Variants in ZNF704 observed in about 807,000 individuals in gnomAD.
ZNF704 encodes the protein zinc finger protein 704, also known as glucocorticoid induced gene 1.
A neutral mutation model predicts 44.7 loss-of-function variants in ZNF704; 10 were observed. That is an observed-to-expected ratio of 0.22 (90% CI 0.14 to 0.38). The LOEUF (loss-of-function observed/expected upper bound fraction) is 0.38, where lower values mean the gene tolerates loss of function less well. Ranked by LOEUF, ZNF704 falls within the 10% of genes least tolerant of loss-of-function variation. The pLI is 1.00. For synonymous variants in ZNF704, 211 were observed against 207.6 expected (o/e 1.02, Z -0.14); for missense variants, 390 against 545.5 (o/e 0.71, Z 2.84).
At chr8:80,856,118 C>T (rs1563578424) in intron 1 of ZNF704, among the ~76,000 whole-genome samples, 1 of 152,116 alleles carries the variant, frequency 6.6e-6, no homozygotes, top group Non-Finnish European at 1.5e-5. Flanking sequence ...CTGCTGTGCT[C>T]AGCCAATTCT....
intron 7 of ZNF704, among the ~76,000 whole-genome samples, chr8:80,645,717 C>T (rs1238729268): frequency 6.6e-6 from 1 of 152,214 alleles, no homozygotes; most frequent in Non-Finnish European, 1.5e-5. Context: ...TGCCACTGTG[C>T]TTCCTGTACA....
chr8:80,664,591 ATC>A (rs2131609739), intron 6 of ZNF704, among the ~76,000 whole-genome samples: 1 of 152,268 alleles, frequency 6.6e-6, no homozygotes, highest in East Asian at 1.9e-4. Context: ...CATCATAACA[ATC>A]TCTACGGGAT....
intron 2 of ZNF704, among the ~76,000 whole-genome samples, chr8:80,750,742 T>A (rs1218027549): frequency 2.0e-5 from 3 of 152,170 alleles, no homozygotes; most frequent in African/African-American, 7.2e-5. Context: ...CTTGAATGCC[T>A]GACCTCAGGT....
intron 3 of ZNF704, among the ~76,000 whole-genome samples, chr8:80,688,321 T>C (rs984472394): frequency 6.6e-6 from 1 of 152,240 alleles, no homozygotes; most frequent in Non-Finnish European, 1.5e-5. Flanking sequence ...TGGATAGTTA[T>C]CTAAAGCCCC....
chr8:80,879,343 C>T (rs536998365), upstream of ZNF704, among the ~76,000 whole-genome samples: 2 of 151,396 alleles, frequency 1.3e-5, no homozygotes, highest in South Asian at 4.2e-4. Flanking sequence ...CTGAAGCTGT[C>T]CTCCCACCTC....
chr8:80,712,987 C>T (rs568389851), intron 2 of ZNF704, among the ~76,000 whole-genome samples: 4 of 151,838 alleles, frequency 2.6e-5, no homozygotes, highest in East Asian at 3.9e-4. Context: ...TGTTCACCTC[C>T]GAGGTTCAAG....
chr8:80,710,628 T>C (rs151317772), intron 2 of ZNF704, among the ~76,000 whole-genome samples: 269 of 152,282 alleles, frequency 1.8e-3, no homozygotes, highest in Middle Eastern at 3.4e-3. Flanking sequence ...TTGTGTCTTA[T>C]AAGAAGAAGA....
intron 2 of ZNF704, among the ~76,000 whole-genome samples, chr8:80,758,489 T>C (rs1807074965): frequency 6.6e-6 from 1 of 152,140 alleles, no homozygotes; most frequent in African/African-American, 2.4e-5. Flanking sequence ...AAACCAACAA[T>C]GGTTTTGTAG....
chr8:80,768,559 T>C (rs749482470), intron 2 of ZNF704, among the ~76,000 whole-genome samples: 6 of 152,192 alleles, frequency 3.9e-5, no homozygotes, highest in Non-Finnish European at 7.3e-5. Flanking sequence ...AATGGATCTC[T>C]CACACTTTTA....
chr8:80,788,013 T>C (rs1807643930), intron 2 of ZNF704, among the ~76,000 whole-genome samples: 2 of 152,210 alleles, frequency 1.3e-5, no homozygotes, highest in African/African-American at 4.8e-5. Flanking sequence ...TCAAGCATAT[T>C]TGCAAATTGC....
intron 2 of ZNF704, among the ~76,000 whole-genome samples, chr8:80,737,883 C>G (rs1223659182): frequency 6.6e-6 from 1 of 152,108 alleles, no homozygotes; most frequent in East Asian, 1.9e-4. Context: ...TATTCAGATT[C>G]ACCAATGTTT....
chr8:80,805,976 T>TG (rs1807983695), intron 2 of ZNF704, among the ~76,000 whole-genome samples: 1 of 152,190 alleles, frequency 6.6e-6, no homozygotes, highest in Non-Finnish European at 1.5e-5. Flanking sequence ...TGCTGTGTTC[T>TG]GCCTGCAAAA....
intron 4 of ZNF704, among the ~76,000 whole-genome samples, chr8:80,682,549 AG>A (rs1359142068): frequency 6.6e-6 from 1 of 152,184 alleles, no homozygotes; most frequent in Non-Finnish European, 1.5e-5. Flanking sequence ...AGTGCATTGC[AG>A]GGGGGCTAAT....
chr8:80,766,003 TAA>T (rs961973881), intron 2 of ZNF704, among the ~76,000 whole-genome samples: 1 of 151,554 alleles, frequency 6.6e-6, no homozygotes, highest in Non-Finnish European at 1.5e-5. Flanking sequence ...ATTTAGCAAT[TAA>T]AAAAAAAGTT....
At chr8:80,705,373 T>TTGTGTG (rs112488774) in intron 2 of ZNF704, among the ~76,000 whole-genome samples, 24 of 151,130 alleles carry the variant, frequency 1.6e-4, no homozygotes, top group African/African-American at 5.6e-4. Context: ...TGTCGGGGCC[T>TTGTGTG]TGTGTGTGTG....
intron 1 of ZNF704, among the ~76,000 whole-genome samples, chr8:80,845,266 T>C (rs969035310): frequency 2.6e-5 from 4 of 152,200 alleles, no homozygotes; most frequent in African/African-American, 4.8e-5. Flanking sequence ...TCAATGCCAA[T>C]GCCAAATCCA....
In ZNF704 at chr8:80,687,245, G is replaced by T. The variant is rs1212709634; in HGVS notation, c.539C>A (p.Pro180His). The T allele has an allele frequency of 6.2e-7, 1 of 1,612,206 alleles. No individual in the cohort carries two copies. The highest frequency in any genetic ancestry group is 8.5e-7 in the Non-Finnish European group (1 of 1,179,270). The change falls in exon 4 of 9, where the codon CCC becomes CAC. Residue 180 changes from proline (P) to histidine (H), a missense_variant. Pro to His is a moderately conservative substitution (Grantham distance 77). Around this residue, in one of 3 missense-constraint regions of ZNF704, gnomAD observed 305 missense variants for 435.7 expected, o/e 0.70. Transcript: ENST00000327835. ...ACCAACCTTTCTTTTCCTGGGAATG[G>T]GCTCGTCGAAGAGCAGGTTGCTGGC... The part of the protein sequence containing the change: ...AEASNLLFDE[P>H]IPRKRKNSMK...
intron 2 of ZNF704, among the ~76,000 whole-genome samples, chr8:80,780,659 T>TA (rs1807507740): frequency 6.6e-6 from 1 of 151,732 alleles, no homozygotes; most frequent in Non-Finnish European, 1.5e-5. Flanking sequence ...AGATGAAAAA[T>TA]AAGACACAGA....
At chr8:80,800,764 A>G (rs569073387) in intron 2 of ZNF704, among the ~76,000 whole-genome samples, 1 of 152,286 alleles carries the variant, frequency 6.6e-6, no homozygotes, top group East Asian at 1.9e-4. Flanking sequence ...AGGTCTGCAA[A>G]ACAACCAGCT....
Sources: gnomAD v4.1 joint callset for allele counts (sites outside exome capture counted in the v4.1 genomes callset) on GRCh38, gnomAD v4.1.1 for gene constraint, gnomAD v4.1.1 regional missense constraint, MANE v1.5 for transcripts, NCBI Gene and HGNC (gene_info 2026-07-23, HGNC 2026-07-21) for gene names.